CNTN1: variants seen among roughly 807,000 people sequenced by gnomAD.
The protein encoded by CNTN1 is contactin 1.
In CNTN1, 38 loss-of-function variants were observed where a neutral mutation model predicts 126.4. That is an observed-to-expected ratio of 0.30 (90% CI 0.23 to 0.39). The LOEUF (loss-of-function observed/expected upper bound fraction) is 0.39, where lower values mean the gene tolerates loss of function less well. Ranked by LOEUF, CNTN1 falls within the 10% of genes least tolerant of loss-of-function variation. The probability of loss-of-function intolerance (pLI) is 1.00; values close to 1 mark genes in which losing one functional copy is unlikely to be tolerated. For missense variants in CNTN1, 1,009 were observed against 1,248.4 expected (o/e 0.81, Z 2.89); for synonymous variants, 413 against 422.6 (o/e 0.98, Z 0.28).
At chr12:40,801,056 C>A in intron 1 of CNTN1, among the ~76,000 whole-genome samples, 1 of 145,420 alleles carries the variant, frequency 6.9e-6, no homozygotes, top group South Asian at 2.1e-4. Context: ...GCTAGGAAGG[C>A]AAAATCCTGG....
At chr12:40,919,227 C>G (rs1945351469) in intron 4 of CNTN1, among the ~76,000 whole-genome samples, 1 of 152,128 alleles carries the variant, frequency 6.6e-6, no homozygotes, top group Admixed American at 6.6e-5. Context: ...TATTTTTCAA[C>G]AGTCTCATAT....
At chr12:40,854,262 A>C (rs34778624) in intron 1 of CNTN1, among the ~76,000 whole-genome samples, 5,123 of 152,084 alleles carry the variant, frequency 0.034, 117 homozygotes, top group Middle Eastern at 0.12. Context: ...AAGAGCATAG[A>C]ATTTCCTCAT....
At chr12:40,972,383 T>G in intron 15 of CNTN1, 1 of 984,150 alleles carries the variant, frequency 1.0e-6, no homozygotes, top group Non-Finnish European at 1.2e-6. Flanking sequence ...GTCAAAGAGA[T>G]GTGCTTAAAA....
At chr12:41,034,437 ACTCC>A (rs1257017257) in intron 23 of CNTN1, among the ~76,000 whole-genome samples, 1 of 151,872 alleles carries the variant, frequency 6.6e-6, no homozygotes, top group African/African-American at 2.4e-5. Context: ...CTCCATCACT[ACTCC>A]TGTCCTCCCT....
chr12:40,883,184 C>G (rs1943926731), intron 1 of CNTN1, among the ~76,000 whole-genome samples: 2 of 151,448 alleles, frequency 1.3e-5, no homozygotes, highest in South Asian at 2.1e-4. Context: ...CCAGGTGATC[C>G]TAATTTGCAT....
intron 15 of CNTN1, among the ~76,000 whole-genome samples, chr12:40,978,122 C>T (rs1318062435): frequency 6.6e-6 from 1 of 151,912 alleles, no homozygotes; most frequent in Non-Finnish European, 1.5e-5. Context: ...CCTATATGTT[C>T]GGTTTTTATT....
chr12:40,995,629 G>A (rs1175921619), intron 17 of CNTN1, among the ~76,000 whole-genome samples: 1 of 151,914 alleles, frequency 6.6e-6, no homozygotes, highest in African/African-American at 2.4e-5. Context: ...CATCTGATGT[G>A]CTTACAAAAT....
intron 1 of CNTN1, chr12:40,729,593 C>A (rs1375304878): frequency 8.7e-6 from 2 of 229,796 alleles, no homozygotes; most frequent in South Asian, 7.7e-5. Flanking sequence ...GAAGCCTGCC[C>A]AAGCAAATGA....
chr12:40,943,642 A>G lies in CNTN1; in HGVS notation c.1425A>G (p.Thr475=). The change falls in exon 13 of 24, where the codon ACA becomes ACG. Residue 475 remains threonine, a synonymous_variant. Coordinates refer to ENST00000551295, the MANE Select transcript of CNTN1 (RefSeq NM_001843.4). Reference sequence around the variant, plus strand: ...GTAGCTTGGAAATCAACAACATTACAAGGAATGATGGAGGTATCTATACAT... The same window carrying G: ...GTAGCTTGGAAATCAACAACATTACGAGGAATGATGGAGGTATCTATACAT... ...EDGSLEINNI[T]RNDGGIYTCF... is the part of the protein sequence containing the mutation. The G allele has an allele frequency of 6.2e-7, 1 of 1,602,840 alleles. No homozygotes were observed. Among genetic ancestry groups the G allele is most frequent in the Non-Finnish European group, 8.5e-7 (1 of 1,170,046 alleles).
intron 1 of CNTN1, among the ~76,000 whole-genome samples, chr12:40,799,975 A>C (rs1940584327): frequency 1.3e-5 from 2 of 152,024 alleles, no homozygotes; most frequent in South Asian, 4.1e-4. Flanking sequence ...GTGAGAAATG[A>C]AAGTTCATGC....
At chr12:41,038,564 G>C (rs1457177498) in intron 23 of CNTN1, among the ~76,000 whole-genome samples, 1 of 152,088 alleles carries the variant, frequency 6.6e-6, no homozygotes, top group Non-Finnish European at 1.5e-5. Context: ...CCCAAATGCA[G>C]TCACTTTCTG....
intron 1 of CNTN1, among the ~76,000 whole-genome samples, chr12:40,791,237 G>T (rs2136465699): frequency 6.6e-6 from 1 of 152,132 alleles, no homozygotes; most frequent in Admixed American, 6.6e-5. Flanking sequence ...CATGGCATTA[G>T]TTACCTTTGA....
At chr12:40,766,588 C>A (rs1005575903) in intron 1 of CNTN1, among the ~76,000 whole-genome samples, 4 of 151,944 alleles carry the variant, frequency 2.6e-5, no homozygotes, top group African/African-American at 9.7e-5. Context: ...TCCTGTAATC[C>A]TTGGGTGGAT....
At chr12:41,036,190 G>T (rs1387638630) in intron 23 of CNTN1, among the ~76,000 whole-genome samples, 1 of 152,106 alleles carries the variant, frequency 6.6e-6, no homozygotes, top group Non-Finnish European at 1.5e-5. Flanking sequence ...TGGTTAAAGA[G>T]TGTATGTGAA....
rs369381431 is a variant in CNTN1 at position 40,753,151 on chromosome 12, G to T, written c.-77+60559G>T. Reference sequence around the variant, plus strand: ...AATACTCTGAAGCTCTAGTAATTTTGACCAATTCCCACTAAAAGGAGTGAA... The same window carrying T: ...AATACTCTGAAGCTCTAGTAATTTTTACCAATTCCCACTAAAAGGAGTGAA... On this transcript the variant is annotated intron_variant, in intron 1 of 23. Transcript: ENST00000551295. Among the ~76,000 whole-genome samples the T allele has an allele frequency of 1.2e-4, 19 of 152,160 alleles. No homozygotes were observed. In the East Asian group the frequency reaches 3.7e-3, roughly 29 times the overall value.
chr12:40,912,486 T>C, intron 3 of CNTN1, among the ~76,000 whole-genome samples: 1 of 152,032 alleles, frequency 6.6e-6, no homozygotes, highest in East Asian at 1.9e-4. Context: ...CATTCCTTTG[T>C]AATTCATTGA....
At position 40,739,325 on chromosome 12, in the gene CNTN1, C is replaced by T. The variant is rs140012726; in HGVS notation, c.-77+46733C>T. Among the ~76,000 whole-genome samples, 828 of 152,078 alleles carry T rather than the reference C, an allele frequency of 5.4e-3. 5 individuals are homozygous for T. The highest frequency in any genetic ancestry group is 8.5e-3 in the Non-Finnish European group (577 of 67,966). ...TTAAAAAGCTAGTTGCAGAATGAAA[C>T]ATATTGTACCATTTATATAAGATTT... On this transcript the variant is annotated intron_variant, in intron 1 of 23. Coordinates refer to ENST00000551295, the MANE Select transcript of CNTN1 (RefSeq NM_001843.4).
chr12:41,036,057 A>C (rs1329487760), intron 23 of CNTN1, among the ~76,000 whole-genome samples: 1 of 152,136 alleles, frequency 6.6e-6, no homozygotes, highest in Non-Finnish European at 1.5e-5. Context: ...AAAGAAAGCA[A>C]GTCTGAGACA....
intron 14 of CNTN1, among the ~76,000 whole-genome samples, chr12:40,946,323 T>C (rs964072051): frequency 6.6e-6 from 1 of 152,148 alleles, no homozygotes; most frequent in Non-Finnish European, 1.5e-5. Flanking sequence ...ATTCTCAGAA[T>C]TAGTGGCTCC....
Sources: allele counts gnomAD v4.1 joint callset (sites outside exome capture counted in the v4.1 genomes callset), GRCh38; gene constraint gnomAD v4.1.1; transcripts MANE v1.5; gene names NCBI Gene and HGNC (gene_info 2026-07-23, HGNC 2026-07-21).